The following ATF7IP variants were observed in gnomAD, a reference collection of about 807,000 sequenced individuals.
ATF7IP encodes the protein activating transcription factor 7 interacting protein.
Under a neutral mutation model 106.4 loss-of-function variants are expected in ATF7IP, and 23 were observed. That is an observed-to-expected ratio of 0.22 (90% CI 0.16 to 0.31). The LOEUF (loss-of-function observed/expected upper bound fraction) is 0.31. Ranked by LOEUF, ATF7IP falls within the 10% of genes least tolerant of loss-of-function variation. The probability of loss-of-function intolerance (pLI) is 1.00; values close to 1 mark genes in which losing one functional copy is unlikely to be tolerated. For missense variants in ATF7IP, 1,334 were observed against 1,524.3 expected (o/e 0.88, Z 2.08); for synonymous variants, 542 against 539.0 (o/e 1.01, Z -0.08).
At chr12:14,381,963 A>G (rs572442380) in intron 1 of ATF7IP, among the ~76,000 whole-genome samples, 22 of 151,800 alleles carry the variant, frequency 1.4e-4, no homozygotes, top group African/African-American at 5.3e-4. Context: ...CTTATTTTAC[A>G]TGGTCATTGC....
chr12:14,374,962 T>C (rs1297435358), intron 1 of ATF7IP, among the ~76,000 whole-genome samples: 1 of 152,172 alleles, frequency 6.6e-6, no homozygotes, highest in Non-Finnish European at 1.5e-5. Context: ...AGGAATCATA[T>C]CTTATTGATA....
intron 5 of ATF7IP, among the ~76,000 whole-genome samples, chr12:14,441,651 G>T (rs1315874717): frequency 6.6e-6 from 1 of 151,688 alleles, no homozygotes; most frequent in Non-Finnish European, 1.5e-5. Context: ...CACCACGCCC[G>T]GCCAATTTTT....
intron 1 of ATF7IP, among the ~76,000 whole-genome samples, chr12:14,396,293 C>G (rs986040514): frequency 6.6e-6 from 1 of 152,024 alleles, no homozygotes; most frequent in African/African-American, 2.4e-5. Flanking sequence ...ACTTCCAGTT[C>G]TCTAGTTTCT....
chr12:14,496,064 G>T (rs1945002589), intron 13 of ATF7IP, among the ~76,000 whole-genome samples, 167 bp from the exon 14 acceptor site: 1 of 152,096 alleles, frequency 6.6e-6, no homozygotes, highest in Non-Finnish European at 1.5e-5. Flanking sequence ...TTATCCACAG[G>T]CTGATTGATA....
chr12:14,461,374 CTA>C (rs1056302643), intron 9 of ATF7IP, among the ~76,000 whole-genome samples: 2 of 151,812 alleles, frequency 1.3e-5, no homozygotes, highest in African/African-American at 4.8e-5. Flanking sequence ...AGTAATTTTC[CTA>C]AGTTTGGTGA....
intron 1 of ATF7IP, among the ~76,000 whole-genome samples, chr12:14,406,979 C>G (rs1200911576): frequency 6.6e-6 from 1 of 152,162 alleles, no homozygotes; most frequent in Non-Finnish European, 1.5e-5. Context: ...TGGTGGATTA[C>G]TCGTATAATT....
intron 1 of ATF7IP, among the ~76,000 whole-genome samples, chr12:14,408,116 G>GCA (rs56229725): frequency 0.48 from 71,810 of 148,762 alleles, 17,258 homozygotes; most frequent in East Asian, 0.6. Flanking sequence ...ATATTGATGT[G>GCA]CACACACACA....
intron 1 of ATF7IP, chr12:14,367,368 C>A (rs764796423): frequency 3.3e-5 from 5 of 151,978 alleles, no homozygotes; most frequent in Non-Finnish European, 7.4e-5. Context: ...AAAGATTCTT[C>A]TTTTTTTCTC....
intron 1 of ATF7IP, among the ~76,000 whole-genome samples, chr12:14,391,906 A>G (rs989030329): frequency 4.6e-5 from 7 of 151,850 alleles, no homozygotes; most frequent in Admixed American, 1.3e-4. Flanking sequence ...TTTTTAGTAG[A>G]CACGGGGTTT....
intron 9 of ATF7IP, 79 bp from the exon 10 acceptor site, chr12:14,466,447 C>A: frequency 2.6e-6 from 3 of 1,150,804 alleles, no homozygotes; most frequent in East Asian, 2.4e-5. Context: ...GAGAAAACTA[C>A]ATGAATTGTT....
rs1939572336 is a variant in ATF7IP, at chr12:14,391,858, A to G, written c.-8+26031A>G. Among the ~76,000 whole-genome samples, 3 of 152,096 alleles carry G rather than the reference A, an allele frequency of 2.0e-5. No homozygotes were observed. In the South Asian group the frequency reaches 6.2e-4, roughly 32 times the overall value. ...TGCCTCAGCCTCCTGAGTAGCTGGG[A>G]TTATAGGCGTGCGCCACCATGCCTG... On this transcript the variant is annotated intron_variant, in intron 1 of 14. Coordinates refer to ENST00000261168, the MANE Select transcript of ATF7IP (RefSeq NM_018179.5).
chr12:14,446,085 C>T (rs1942942017), intron 5 of ATF7IP, among the ~76,000 whole-genome samples: 1 of 151,756 alleles, frequency 6.6e-6, no homozygotes, highest in South Asian at 2.1e-4. Flanking sequence ...TGTATAAGTA[C>T]AACAAATGAT....
At chr12:14,392,401 G>A (rs1282379496) in intron 1 of ATF7IP, among the ~76,000 whole-genome samples, 1 of 152,170 alleles carries the variant, frequency 6.6e-6, no homozygotes, top group Admixed American at 6.5e-5. Context: ...TCCAAGTGAA[G>A]ACTTTGAAGA....
At chr12:14,391,389 C>T (rs779138836) in intron 1 of ATF7IP, among the ~76,000 whole-genome samples, 2 of 152,136 alleles carry the variant, frequency 1.3e-5, no homozygotes, top group Non-Finnish European at 2.9e-5. Flanking sequence ...CTATCTGACT[C>T]GTGTATCCCT....
At chr12:14,441,445 G>T (rs1218505515) in intron 5 of ATF7IP, among the ~76,000 whole-genome samples, 1 of 139,488 alleles carries the variant, frequency 7.2e-6, no homozygotes, top group Non-Finnish European at 1.6e-5. Flanking sequence ...CTTTTTTGTT[G>T]TTGAGTTGTA....
intron 1 of ATF7IP, among the ~76,000 whole-genome samples, chr12:14,423,574 CTTTTT>C: frequency 0.044 from 1,521 of 34,424 alleles, 12 homozygotes; most frequent in Non-Finnish European, 0.059. Flanking sequence ...TCTTCAGGTA[CTTTTT>C]TTTTTTTTTT....
At chr12:14,495,974 C>A (rs1021356847) in intron 13 of ATF7IP, among the ~76,000 whole-genome samples, 4 of 152,098 alleles carry the variant, frequency 2.6e-5, no homozygotes, top group African/African-American at 9.7e-5. Context: ...ACTGGTGGCA[C>A]ATATTCTCCA....
intron 2 of ATF7IP, among the ~76,000 whole-genome samples, chr12:14,427,208 C>T (rs2136566942): frequency 6.6e-6 from 1 of 152,060 alleles, no homozygotes; most frequent in East Asian, 1.9e-4. Context: ...CTGCAGCTTC[C>T]ACTTTACTGG....
chr12:14,378,487 T>C (rs746338151), intron 1 of ATF7IP, among the ~76,000 whole-genome samples: 4 of 152,240 alleles, frequency 2.6e-5, no homozygotes, highest in Admixed American at 1.3e-4. Flanking sequence ...TTTCACAGGA[T>C]ATTTTTCTCC....
Sources: gnomAD v4.1 joint callset for allele counts (sites outside exome capture counted in the v4.1 genomes callset) on GRCh38, gnomAD v4.1.1 for gene constraint, MANE v1.5 for transcripts, NCBI Gene and HGNC (gene_info 2026-07-23, HGNC 2026-07-21) for gene names.